Variants in RASGRF1 observed in about 807,000 individuals in gnomAD.
RASGRF1 encodes the protein ras-specific guanine nucleotide-releasing factor 1.
A neutral mutation model predicts 138.7 loss-of-function variants in RASGRF1; 40 were observed. The observed-to-expected ratio is 0.29, with a 90% CI of 0.22 to 0.38. The LOEUF (loss-of-function observed/expected upper bound fraction) is 0.38, where lower values mean the gene tolerates loss of function less well. Among genes scored for constraint, RASGRF1 ranks in the 10% least tolerant of loss-of-function variants. The pLI, the probability that RASGRF1 is intolerant of heterozygous loss-of-function variation, is 1.00. For synonymous variants in RASGRF1, 614 were observed against 663.2 expected (o/e 0.93, Z 1.14); for missense variants, 1,108 against 1,650.4 (o/e 0.67, Z 5.69).
intron 1 of RASGRF1, among the ~76,000 whole-genome samples, chr15:79,076,738 C>A (rs145283839): frequency 7.2e-4 from 109 of 152,334 alleles, no homozygotes; most frequent in African/African-American, 2.4e-3. Context: ...CCATTAACTA[C>A]CGCTGTGTTT....
At position 79,001,261 on chromosome 15, in the gene RASGRF1, T is replaced by C. The variant is rs139098544; in HGVS notation, c.2575+401A>G. The stretch of plus-strand genomic sequence containing the variant: ...GCACCTTCTGAACCAGGATCTTCCA[T>C]GAATGAGCCCTAGATGCTGAGCCTC... On this transcript the variant is annotated intron_variant, in intron 16 of 26. Coordinates refer to ENST00000558480, the MANE Select transcript of RASGRF1 (RefSeq NM_001145648.3). Among the ~76,000 whole-genome samples, 449 of 149,144 alleles carry C rather than the reference T, an allele frequency of 3.0e-3. 8 individuals carry two copies. In the East Asian group the frequency reaches 0.058, roughly 19 times the overall value.
chr15:78,967,219 G>A (rs2055660998), intron 26 of RASGRF1, among the ~76,000 whole-genome samples: 1 of 151,854 alleles, frequency 6.6e-6, no homozygotes, highest in Admixed American at 6.6e-5. Flanking sequence ...TTTGAGCCTG[G>A]GTGACAGAGT....
chr15:79,060,885 G>T (rs994455887), intron 2 of RASGRF1, among the ~76,000 whole-genome samples: 1 of 152,156 alleles, frequency 6.6e-6, no homozygotes, highest in African/African-American at 2.4e-5. Flanking sequence ...CAGTTGCCCT[G>T]CAGGGCTTCT....
At chr15:79,019,997 T>C in intron 11 of RASGRF1, 44 bp downstream of exon 11, 1 of 1,603,406 alleles carries the variant, frequency 6.2e-7, no homozygotes, top group East Asian at 2.2e-5. Context: ...CGTGTGTGTA[T>C]CTGTGCAAGC....
intron 2 of RASGRF1, among the ~76,000 whole-genome samples, chr15:79,059,965 C>CG (rs779385038): frequency 1.6e-5 from 1 of 62,956 alleles, no homozygotes; most frequent in Non-Finnish European, 3.2e-5. Context: ...CTGATACACT[C>CG]ACACACACAC....
In RASGRF1 at chr15:79,073,089, C is replaced by T. The variant is rs1332216258; in HGVS notation, c.277-8563G>A. The stretch of plus-strand genomic sequence containing the variant: ...ATGCAACAGAGAGCCTCATGCCCAC[C>T]TTCCCTGGGCCCTGGATGAGATCAG... On this transcript the variant is annotated intron_variant, in intron 1 of 26. Transcript: ENST00000558480. The surrounding 1 kb of genome is among the most constrained non-coding windows in gnomAD (Gnocchi z 4.2). Among the ~76,000 whole-genome samples, 2 of 152,184 alleles carry T rather than the reference C, an allele frequency of 1.3e-5. No individual in the cohort carries two copies. Among genetic ancestry groups the T allele is most frequent in the Admixed American group, 1.3e-4 (2 of 15,286 alleles).
At chr15:79,009,069 A>G (rs767751780) in intron 13 of RASGRF1, among the ~76,000 whole-genome samples, 13 of 152,148 alleles carry the variant, frequency 8.5e-5, no homozygotes, top group Non-Finnish European at 1.6e-4. Flanking sequence ...ATTCTGCTTC[A>G]GTGTCACTTC....
intron 13 of RASGRF1, among the ~76,000 whole-genome samples, chr15:79,012,231 C>T (rs1456223508): frequency 4.6e-5 from 7 of 152,172 alleles, no homozygotes; most frequent in Admixed American, 3.9e-4. Flanking sequence ...TATGTTCATG[C>T]TGTTCCCTCT....
intron 4 of RASGRF1, among the ~76,000 whole-genome samples, chr15:79,049,277 G>A (rs1389927283): frequency 6.6e-6 from 1 of 152,056 alleles, no homozygotes; most frequent in East Asian, 1.9e-4. Context: ...TCTATAAAAT[G>A]GGCTGAAGCA....
At chr15:78,998,396 A>G in intron 18 of RASGRF1, 188 bp from the exon 19 acceptor site, 1 of 636,576 alleles carries the variant, frequency 1.6e-6, no homozygotes, top group Non-Finnish European at 2.8e-6. Context: ...AATCTTAGAT[A>G]AAGGCACTGG....
intron 13 of RASGRF1, among the ~76,000 whole-genome samples, chr15:79,009,650 T>C (rs2056752916): frequency 6.6e-6 from 1 of 152,146 alleles, no homozygotes; most frequent in African/African-American, 2.4e-5. Context: ...ACTCCTTCCT[T>C]TTCCTTTCCT....
Position 79,027,132 on chromosome 15 carries a change from G to A in RASGRF1, c.1381+609C>T, listed in dbSNP as rs2057068871. On this transcript the variant is annotated intron_variant, in intron 9 of 26. Transcript: ENST00000558480. The surrounding 1 kb of genome is among the most constrained non-coding windows in gnomAD (Gnocchi z 4.8). ...ACAAAACATGGAAGTTGAATGTGAT[G>A]AATTTCAAATGCATTGCAGTTCTGA... 6.6e-6 allele frequency among the ~76,000 whole-genome samples: 1 copy of A among 152,182 alleles called. No individual in the cohort carries two copies. Among genetic ancestry groups the A allele is most frequent in the African/African-American group, 2.4e-5 (1 of 41,440 alleles).
intron 10 of RASGRF1, among the ~76,000 whole-genome samples, chr15:79,024,337 C>T (rs896534444): frequency 1.3e-5 from 2 of 151,824 alleles, no homozygotes; most frequent in African/African-American, 4.8e-5. Context: ...CACACAAATG[C>T]ACAGAGACAC....
At chr15:79,041,318 G>A (rs968525033) in intron 5 of RASGRF1, among the ~76,000 whole-genome samples, 31 of 152,330 alleles carry the variant, frequency 2.0e-4, no homozygotes, top group African/African-American at 7.2e-4. Context: ...ACCCACCCCT[G>A]TGCAATGCGA....
rs780605433 is a variant in RASGRF1, at chr15:78,995,761, C to A, written c.3006G>T (p.Thr1002=). 5 of 1,614,046 alleles carry A rather than the reference C, an allele frequency of 3.1e-6. No individual in the cohort carries two copies. The highest frequency in any genetic ancestry group is 1.3e-5 in the African/African-American group (1 of 74,902). The part of the protein sequence containing the change: ...TQEDPGDNQI[T]LEEITQMAEG... ...TCACCATCTGCGTGATCTCCTCCAG[C>A]GTGATCTGGTTGTCACCTGGGTCCT... The change falls in exon 20 of 27, where the codon ACG becomes ACT. Residue 1002 remains threonine (T), a synonymous_variant. Transcript: ENST00000558480.
chr15:79,090,752 T>G lies in RASGRF1; in HGVS notation c.-254A>C. ...GTACCCGGAAGATGCCGCCCGACCC[T>G]CCTCCGGTGCCGGGCAAACTGAGGG... is the stretch of plus-strand genomic sequence containing the variant. On this transcript the variant is annotated 5_prime_UTR_variant, in exon 1 of 27. Transcript: ENST00000558480. 1.9e-6 allele frequency: 1 copy of G among 518,142 alleles called. No homozygotes were observed. 32.1% of individuals were successfully genotyped at this position (518,142 alleles called of 1,614,324 possible).
rs1416366423 is a variant in RASGRF1, at chr15:79,006,793, CTT to C, written c.1827-361_1827-360del. 2.0e-5 allele frequency among the ~76,000 whole-genome samples: 3 copies of C among 152,170 alleles called. No individual in the cohort carries two copies. The highest frequency in any genetic ancestry group is 4.4e-5 in the Non-Finnish European group (3 of 68,028). ...TTGGGAGGCTGAGGTGGGAGGATCACTTGAGGTCAGGAGCTCAAGACCAGCCT... is the reference window on the plus strand; with the variant it reads ...TTGGGAGGCTGAGGTGGGAGGATCACGAGGTCAGGAGCTCAAGACCAGCCT... On this transcript the variant is annotated intron_variant, in intron 13 of 26. Coordinates refer to ENST00000558480, the MANE Select transcript of RASGRF1 (RefSeq NM_001145648.3). The surrounding 1 kb of genome is among the most constrained non-coding windows in gnomAD (Gnocchi z 4.0).
chr15:79,049,822 C>T (rs934870736), intron 3 of RASGRF1, among the ~76,000 whole-genome samples: 2 of 152,172 alleles, frequency 1.3e-5, no homozygotes, highest in African/African-American at 4.8e-5. Context: ...ACCTGGGTTC[C>T]AGGCCAGCTG....
chr15:79,030,748 T>C (rs941337891), intron 8 of RASGRF1, among the ~76,000 whole-genome samples: 2 of 152,190 alleles, frequency 1.3e-5, no homozygotes, highest in Admixed American at 1.3e-4. Context: ...ATCCTGTTGG[T>C]TCCACCTTCA....
Sources: gnomAD v4.1 joint callset for allele counts (sites outside exome capture counted in the v4.1 genomes callset) on GRCh38, gnomAD v4.1.1 for gene constraint, Gnocchi (gnomAD v3.1) non-coding constraint, MANE v1.5 for transcripts, NCBI Gene and HGNC (gene_info 2026-07-23, HGNC 2026-07-21) for gene names.